The following SYT14 variants were observed in gnomAD, a reference collection of about 807,000 sequenced individuals.
SYT14 encodes the protein synaptotagmin-14.
Under a neutral mutation model 74.2 loss-of-function variants are expected in SYT14, and 32 were observed. That is an observed-to-expected ratio of 0.43 (90% CI 0.33 to 0.58). The LOEUF (loss-of-function observed/expected upper bound fraction) is 0.58. Ranked by LOEUF, SYT14 falls within the 20% of genes least tolerant of loss-of-function variation. The probability of loss-of-function intolerance (pLI) is 0.05; values close to 1 mark genes in which losing one functional copy is unlikely to be tolerated. For synonymous variants in SYT14, 298 were observed against 337.7 expected (o/e 0.88, Z 1.29); for missense variants, 791 against 981.8 (o/e 0.81, Z 2.60).
At chr1:210,110,849 A>G (rs566873431) in intron 7 of SYT14, among the ~76,000 whole-genome samples, 13 of 152,118 alleles carry the variant, frequency 8.5e-5, no homozygotes, top group East Asian at 1.9e-4. Context: ...GGTTCAAGCA[A>G]TTCTCCTGCC....
chr1:210,153,325 G>A (rs1572388226), intron 7 of SYT14, among the ~76,000 whole-genome samples: 1 of 152,038 alleles, frequency 6.6e-6, no homozygotes, highest in South Asian at 2.1e-4. Flanking sequence ...TACTAATGAA[G>A]TCAAACAATT....
At chr1:210,031,089 C>CTTTT (rs35900057) in intron 5 of SYT14, among the ~76,000 whole-genome samples, 11 of 104,316 alleles carry the variant, frequency 1.1e-4, no homozygotes, top group South Asian at 3.5e-4. Context: ...CCATGCCTGT[C>CTTTT]TTTTTTTTTT....
At chr1:210,054,425 T>G (rs1215982657) in intron 5 of SYT14, among the ~76,000 whole-genome samples, 1 of 152,224 alleles carries the variant, frequency 6.6e-6, no homozygotes, top group Non-Finnish European at 1.5e-5. Context: ...TCCTATTTTA[T>G]GATTGTAATA....
intron 5 of SYT14, among the ~76,000 whole-genome samples, chr1:210,051,879 A>G (rs2081003644): frequency 6.6e-6 from 1 of 152,192 alleles, no homozygotes. Flanking sequence ...AATTAGCCTC[A>G]TATCTGTGTT....
At chr1:210,040,611 C>T (rs184395243) in intron 5 of SYT14, among the ~76,000 whole-genome samples, 134 of 151,882 alleles carry the variant, frequency 8.8e-4, no homozygotes, top group East Asian at 5.6e-3. Flanking sequence ...AATAAATGGA[C>T]GTAGGATCAG....
At chr1:210,054,957 A>T (rs2102392162) in intron 5 of SYT14, among the ~76,000 whole-genome samples, 1 of 152,242 alleles carries the variant, frequency 6.6e-6, no homozygotes, top group African/African-American at 2.4e-5. Flanking sequence ...TAGAGGACAC[A>T]GTTTGGGGTG....
chr1:210,152,292 G>A (rs144629626), intron 7 of SYT14, among the ~76,000 whole-genome samples: 4 of 152,238 alleles, frequency 2.6e-5, no homozygotes, highest in African/African-American at 4.8e-5. Flanking sequence ...AGTTTGTTCA[G>A]GCTCCAGGTA....
intron 2 of SYT14, among the ~76,000 whole-genome samples, chr1:209,991,198 ACTC>A (rs771369623): frequency 6.6e-6 from 1 of 151,998 alleles, no homozygotes; most frequent in Non-Finnish European, 1.5e-5. Context: ...TCTAGGAAAA[ACTC>A]CTCCAGACAT....
chr1:210,007,067 A>G (rs945720861), intron 2 of SYT14, among the ~76,000 whole-genome samples: 2 of 151,994 alleles, frequency 1.3e-5, no homozygotes, highest in African/African-American at 4.8e-5. Context: ...TTCAATGACC[A>G]ACTTATCTGT....
chr1:210,154,836 A>T (rs1053828497), intron 7 of SYT14, among the ~76,000 whole-genome samples: 1 of 152,162 alleles, frequency 6.6e-6, no homozygotes, highest in African/African-American at 2.4e-5. Flanking sequence ...AATTCTGTGT[A>T]CTTGGGAAAA....
intron 2 of SYT14, among the ~76,000 whole-genome samples, chr1:209,987,081 A>G (rs986440740): frequency 6.6e-6 from 1 of 152,156 alleles, no homozygotes; most frequent in Admixed American, 6.5e-5. Flanking sequence ...GATTGTCCAT[A>G]TCAACATCAT....
chr1:210,115,933 G>A (rs957605147), intron 7 of SYT14, among the ~76,000 whole-genome samples: 4 of 151,116 alleles, frequency 2.6e-5, no homozygotes, highest in South Asian at 2.1e-4. Flanking sequence ...GGCTGAGTCC[G>A]AAAAGAGAGT....
chr1:210,044,344 C>T lies in SYT14; in HGVS notation c.1312+23090C>T, dbSNP rs181285633. 9.2e-5 allele frequency among the ~76,000 whole-genome samples: 14 copies of T among 152,220 alleles called. No homozygotes were observed. In the East Asian group the frequency reaches 2.5e-3, roughly 27 times the overall value. On this transcript the variant is annotated intron_variant, in intron 5 of 9. Coordinates refer to ENST00000637265, the Ensembl canonical transcript of SYT14. Reference sequence around the variant, plus strand: ...TAATACAGAAATAAATGTAAAGACCCTTGTGTTTTACTACCCGGAACTCAT... The same window carrying T: ...TAATACAGAAATAAATGTAAAGACCTTTGTGTTTTACTACCCGGAACTCAT...
At chr1:210,032,270 C>CCTAT (rs2080555084) in intron 5 of SYT14, among the ~76,000 whole-genome samples, 1 of 152,074 alleles carries the variant, frequency 6.6e-6, no homozygotes, top group African/African-American at 2.4e-5. Context: ...CCAGCTGCTT[C>CCTAT]CATAGCCTTA....
chr1:210,056,023 T>A lies in SYT14; in HGVS notation c.1312+34769T>A, dbSNP rs149038096. Reference sequence around the variant, plus strand: ...ATTTTGCCTAAGACTAATCCTCATTTCAGATTTAAAACTCTGTAATTATAC... The same window carrying A: ...ATTTTGCCTAAGACTAATCCTCATTACAGATTTAAAACTCTGTAATTATAC... On this transcript the variant is annotated intron_variant, in intron 5 of 9. Coordinates refer to ENST00000637265, the Ensembl canonical transcript of SYT14. Among the ~76,000 whole-genome samples, 633 of 152,280 alleles carry A rather than the reference T, an allele frequency of 4.2e-3. 2 individuals carry two copies. Among genetic ancestry groups the A allele is most frequent in the African/African-American group, 0.014 (578 of 41,558 alleles).
At chr1:210,170,045 T>C (rs142666135) in exon 10 of SYT14, 2 of 152,210 alleles carry the variant, frequency 1.3e-5, no homozygotes, top group Non-Finnish European at 2.9e-5. Flanking sequence ...TTCTTACTTA[T>C]TTTTCTAATA....
chr1:210,030,453 C>T (rs2080506874), intron 5 of SYT14, among the ~76,000 whole-genome samples: 1 of 152,128 alleles, frequency 6.6e-6, no homozygotes, highest in South Asian at 2.1e-4. Context: ...TGCACCTGGT[C>T]TGATTTGTTT....
intron 2 of SYT14, among the ~76,000 whole-genome samples, chr1:209,997,505 T>C (rs1399730980): frequency 2.6e-5 from 4 of 152,088 alleles, no homozygotes; most frequent in African/African-American, 9.7e-5. Context: ...TTCTCATGAA[T>C]TGGAAGAATT....
chr1:210,074,896 TTG>T, intron 5 of SYT14, among the ~76,000 whole-genome samples: 1 of 152,112 alleles, frequency 6.6e-6, no homozygotes, highest in Non-Finnish European at 1.5e-5. Context: ...CATAGGCGGC[TTG>T]TGTTAGTCAG....
Sources: gnomAD v4.1 joint callset for allele counts (sites outside exome capture counted in the v4.1 genomes callset) on GRCh38, gnomAD v4.1.1 for gene constraint, MANE v1.5 for transcripts, NCBI Gene and HGNC (gene_info 2026-07-23, HGNC 2026-07-21) for gene names.